TCERG1L: variants seen among roughly 807,000 people sequenced by gnomAD.
The protein encoded by TCERG1L is transcription elongation regulator 1 like.
TCERG1L carries 37 observed loss-of-function variants against 56.3 expected under a neutral mutation model. The observed-to-expected ratio is 0.66, with a 90% CI of 0.51 to 0.87. The LOEUF (loss-of-function observed/expected upper bound fraction) is 0.87. Ranked by LOEUF, TCERG1L falls within the 40% of genes least tolerant of loss-of-function variation. The pLI is 0.00. For missense variants in TCERG1L, 799 were observed against 774.2 expected (o/e 1.03, Z -0.38); for synonymous variants, 324 against 326.3 (o/e 0.99, Z 0.08).
chr10:131,256,455 G>A (rs1424493119), intron 4 of TCERG1L, among the ~76,000 whole-genome samples: 1 of 152,136 alleles, frequency 6.6e-6, no homozygotes, highest in Admixed American at 6.5e-5. Context: ...CAGGCAGATG[G>A]CCCTTTTTAA....
At chr10:131,161,265 C>T (rs1008468799) in intron 6 of TCERG1L, 2 of 151,960 alleles carry the variant, frequency 1.3e-5, no homozygotes, top group South Asian at 4.2e-4. Context: ...GGTCTGCAGC[C>T]TGGGAGCCAC....
intron 3 of TCERG1L, among the ~76,000 whole-genome samples, chr10:131,281,538 T>C (rs945476291): frequency 2.6e-5 from 4 of 152,110 alleles, no homozygotes; most frequent in African/African-American, 9.7e-5. Flanking sequence ...AAACTTTGAG[T>C]GAAGCCCAAG....
chr10:131,243,159 C>T (rs1008751899), intron 4 of TCERG1L, among the ~76,000 whole-genome samples: 4 of 152,126 alleles, frequency 2.6e-5, no homozygotes, highest in African/African-American at 4.8e-5. Flanking sequence ...TAATAACAAT[C>T]GCCAACTCGC....
At chr10:131,262,260 C>T (rs527829436) in intron 3 of TCERG1L, among the ~76,000 whole-genome samples, 17 of 152,286 alleles carry the variant, frequency 1.1e-4, no homozygotes, top group African/African-American at 3.1e-4. Context: ...GGGACAGCAT[C>T]GCTTCCAGAT....
intron 3 of TCERG1L, among the ~76,000 whole-genome samples, chr10:131,277,711 G>C (rs888245008): frequency 3.9e-5 from 6 of 152,190 alleles, no homozygotes; most frequent in Non-Finnish European, 8.8e-5. Context: ...TAAACACAGA[G>C]GCAGGCATGG....
intron 3 of TCERG1L, among the ~76,000 whole-genome samples, chr10:131,291,029 GT>G (rs1347987571): frequency 3.2e-4 from 48 of 152,324 alleles, no homozygotes; most frequent in African/African-American, 1.2e-3. Flanking sequence ...AAGAGGCAAT[GT>G]GTTCTGATAT....
chr10:131,101,978 A>T (rs1413538652), intron 10 of TCERG1L, among the ~76,000 whole-genome samples: 1 of 152,230 alleles, frequency 6.6e-6, no homozygotes, highest in African/African-American at 2.4e-5. Flanking sequence ...CTGGGATTAC[A>T]GGCATGAGCC....
intron 4 of TCERG1L, among the ~76,000 whole-genome samples, chr10:131,187,224 C>T (rs1845254609): frequency 6.6e-6 from 1 of 152,248 alleles, no homozygotes; most frequent in South Asian, 2.1e-4. Context: ...CAAATCACCA[C>T]TACCCAGCCA....
chr10:131,203,455 A>C (rs1357139329), intron 4 of TCERG1L, among the ~76,000 whole-genome samples: 2 of 152,216 alleles, frequency 1.3e-5, no homozygotes, highest in Non-Finnish European at 2.9e-5. Flanking sequence ...CCTCTGGTAG[A>C]ACATCCAAGC....
intron 3 of TCERG1L, among the ~76,000 whole-genome samples, chr10:131,271,066 G>A (rs1464153848): frequency 3.3e-5 from 5 of 152,196 alleles, no homozygotes; most frequent in Non-Finnish European, 7.3e-5. Flanking sequence ...GACCCCACTG[G>A]CCTCAGCAAT....
rs183763960 is a variant in TCERG1L at position 131,297,153 on chromosome 10, A to G, written c.670+11058T>C. ...TTGTTTTTCATCTTAGAGGGAAAAC[A>G]TTATCCTTCCACTATTCAGTTTGAC... On this transcript the variant is annotated intron_variant, in intron 3 of 11. Transcript: ENST00000368642. Among the ~76,000 whole-genome samples, 759 of 152,310 alleles carry G rather than the reference A, an allele frequency of 5.0e-3. 7 individuals carry two copies. Among genetic ancestry groups the G allele is most frequent in the African/African-American group, 0.017 (704 of 41,580 alleles).
intron 4 of TCERG1L, among the ~76,000 whole-genome samples, chr10:131,203,314 C>CAAAAAAAAAAAA (rs58016777): frequency 5.1e-5 from 6 of 117,666 alleles, no homozygotes; most frequent in African/African-American, 1.6e-4. Flanking sequence ...GACTCCGTCT[C>CAAAAAAAAAAAA]AAAAAAAAAA....
chr10:131,209,513 C>T lies in TCERG1L; in HGVS notation c.857-42628G>A, dbSNP rs376717067. Among the ~76,000 whole-genome samples the T allele has an allele frequency of 5.9e-5, 9 of 151,318 alleles. No individual in the cohort carries two copies. The East Asian group carries it at 1.8e-3, about 31-fold the overall frequency. ...TAATGAACAGATATTTTTATATGCA[C>T]GCAGCATGACTAGTAAAGTAATTCT... On this transcript the variant is annotated intron_variant, in intron 4 of 11. Coordinates refer to ENST00000368642, the MANE Select transcript of TCERG1L (RefSeq NM_174937.4).
At chr10:131,149,628 GGTGGAGCT>G (rs1307744637) in intron 6 of TCERG1L, among the ~76,000 whole-genome samples, 2 of 152,218 alleles carry the variant, frequency 1.3e-5, no homozygotes, top group Non-Finnish European at 2.9e-5. Context: ...CTGCTTCCCG[GGTGGAGCT>G]GTGAGTGAGT....
At chr10:131,106,232 C>G (rs1393570809) in intron 9 of TCERG1L, among the ~76,000 whole-genome samples, 1 of 152,188 alleles carries the variant, frequency 6.6e-6, no homozygotes, top group Middle Eastern at 3.2e-3. Flanking sequence ...TGTTGAGGAT[C>G]TTGAGAAAAT....
rs764441664 is a variant in TCERG1L at position 131,098,308 on chromosome 10, G to A, written c.1602C>T (p.Pro534=). 48 of 1,551,102 alleles carry A rather than the reference G, an allele frequency of 3.1e-5. No homozygotes were observed. The change falls in exon 11 of 12, where the codon CCC becomes CCT. Residue 534 remains proline (P), a splice_region_variant and synonymous_variant. Transcript: ENST00000368642. The stretch of plus-strand genomic sequence containing the variant: ...CCGGTATATTTCTCTCTCCATACCT[G>A]GGAGACACTTTAGATTCCTCTAGAA... ...KKLLEESKVS[P]RTTFKEFAEK... is the part of the protein sequence containing the mutation.
intron 4 of TCERG1L, among the ~76,000 whole-genome samples, chr10:131,197,430 C>A (rs1194636750): frequency 6.6e-6 from 1 of 152,186 alleles, no homozygotes; most frequent in East Asian, 1.9e-4. Context: ...GGTGATCCTC[C>A]TGCCTCGGCC....
At chr10:131,241,152 G>C (rs1845967019) in intron 4 of TCERG1L, among the ~76,000 whole-genome samples, 1 of 152,180 alleles carries the variant, frequency 6.6e-6, no homozygotes, top group South Asian at 2.1e-4. Context: ...TGTGGATCCG[G>C]AGAGTGGAGG....
At chr10:131,112,260 C>G (rs750666074) in intron 9 of TCERG1L, among the ~76,000 whole-genome samples, 2 of 142,480 alleles carry the variant, frequency 1.4e-5, no homozygotes, top group Non-Finnish European at 3.2e-5. Context: ...CAGATGTGCC[C>G]GCTCTATTTC....
Sources: gnomAD v4.1 joint callset for allele counts (sites outside exome capture counted in the v4.1 genomes callset) on GRCh38, gnomAD v4.1.1 for gene constraint, MANE v1.5 for transcripts, NCBI Gene and HGNC (gene_info 2026-07-23, HGNC 2026-07-21) for gene names.